The following STK31 variants were observed in gnomAD, a reference collection of about 807,000 sequenced individuals.
The protein encoded by STK31 is serine/threonine-protein kinase 31.
STK31 carries 89 observed loss-of-function variants against 129.7 expected under a neutral mutation model. The observed-to-expected ratio is 0.69, with a 90% CI of 0.58 to 0.82. The LOEUF is 0.82. Ranked by LOEUF, STK31 falls within the 40% of genes least tolerant of loss-of-function variation. STK31 has a pLI of 0.00. For synonymous variants in STK31, 448 were observed against 395.3 expected, an observed-to-expected ratio of 1.13 and a Z score of -1.58; for missense variants, 1,187 against 1,176.4, an observed-to-expected ratio of 1.01 and a Z score of -0.13.
At chr7:23,783,829 A>G (rs1791087523) in intron 17 of STK31, among the ~76,000 whole-genome samples, 166 bp downstream of exon 17, 1 of 152,120 alleles carries the variant, frequency 6.6e-6, no homozygotes, top group African/African-American at 2.4e-5. Context: ...TAATAGTTGC[A>G]TGGTATATAT....
intron 23 of STK31, among the ~76,000 whole-genome samples, chr7:23,828,374 G>A (rs1006307111): frequency 6.6e-6 from 1 of 152,220 alleles, no homozygotes; most frequent in African/African-American, 2.4e-5. Flanking sequence ...AGGCTCCTTG[G>A]GCGTAGGACC....
intron 5 of STK31, among the ~76,000 whole-genome samples, chr7:23,728,033 A>G (rs1017863147): frequency 1.6e-5 from 2 of 125,732 alleles, no homozygotes; most frequent in South Asian, 2.6e-4. Flanking sequence ...CCACTTTCTT[A>G]TGCCTGGGTT....
intron 23 of STK31, among the ~76,000 whole-genome samples, chr7:23,817,335 T>C (rs2188851): frequency 0.16 from 25,072 of 152,096 alleles, 2,087 homozygotes; most frequent in East Asian, 0.22. Flanking sequence ...GATTCAAGGA[T>C]TGTGGCATTG....
intron 18 of STK31, 111 bp downstream of exon 18, chr7:23,785,714 G>A: frequency 3.4e-5 from 46 of 1,366,440 alleles, no homozygotes; most frequent in Non-Finnish European, 4.5e-5. Flanking sequence ...AAGTGTATAA[G>A]TTGACTGGCA....
chr7:23,748,609 C>T (rs572993357), intron 8 of STK31, among the ~76,000 whole-genome samples: 3 of 152,332 alleles, frequency 2.0e-5, no homozygotes, highest in African/African-American at 7.2e-5. Flanking sequence ...CTGTCCTCAG[C>T]CTGCTCAATG....
chr7:23,808,523 A>G (rs1383765381), intron 22 of STK31, among the ~76,000 whole-genome samples: 2 of 152,040 alleles, frequency 1.3e-5, no homozygotes, highest in South Asian at 2.1e-4. Flanking sequence ...GCTGACTCGT[A>G]CTACTTCACA....
At chr7:23,800,009 A>G (rs1439117761) in intron 22 of STK31, among the ~76,000 whole-genome samples, 3 of 152,240 alleles carry the variant, frequency 2.0e-5, no homozygotes, top group Non-Finnish European at 4.4e-5. Flanking sequence ...GTCATTAGAG[A>G]AATGTAAATC....
intron 4 of STK31, among the ~76,000 whole-genome samples, chr7:23,718,172 AC>A (rs1786464391): frequency 6.6e-6 from 1 of 152,212 alleles, no homozygotes; most frequent in Admixed American, 6.5e-5. Context: ...AGCCAAAAAA[AC>A]AAAAGTGAAG....
At chr7:23,719,869 T>C (rs1786584348) in intron 4 of STK31, among the ~76,000 whole-genome samples, 2 of 152,284 alleles carry the variant, frequency 1.3e-5, no homozygotes, top group African/African-American at 4.8e-5. Flanking sequence ...TATACATTGA[T>C]TGGGCTTCCT....
At chr7:23,754,561 G>A (rs1415421788) in intron 10 of STK31, 87 bp downstream of exon 10, 1 of 1,416,250 alleles carries the variant, frequency 7.1e-7, no homozygotes, top group Non-Finnish European at 9.6e-7. Flanking sequence ...AAAATAACAG[G>A]ATACATGTGC....
chr7:23,736,590 G>C (rs1377086926), intron 7 of STK31, among the ~76,000 whole-genome samples: 1 of 148,012 alleles, frequency 6.8e-6, no homozygotes, highest in Non-Finnish European at 1.5e-5. Flanking sequence ...ATCACGGGGG[G>C]GGGATCACAG....
chr7:23,761,451 C>T (rs538562279), intron 10 of STK31, among the ~76,000 whole-genome samples: 161 of 148,682 alleles, frequency 1.1e-3, no homozygotes, highest in African/African-American at 3.8e-3. Flanking sequence ...GACGGAGTCT[C>T]GCTCTGTCGC....
In STK31 at chr7:23,742,269, G is replaced by A. The variant is rs187204354; in HGVS notation, c.1017+5191G>A. 6.0e-3 allele frequency among the ~76,000 whole-genome samples: 920 copies of A among 152,310 alleles called. 21 individuals carry two copies. Among genetic ancestry groups the A allele is most frequent in the Non-Finnish European group, 2.7e-3 (185 of 68,030 alleles). ...AAGCAGCATGAGCAAGAAGGTGTAT[G>A]GAGTATGATCTACTTATGTCTCAGT... On this transcript the variant is annotated intron_variant, in intron 8 of 23. Transcript: ENST00000355870.
chr7:23,739,832 T>C (rs1491002558), intron 8 of STK31, among the ~76,000 whole-genome samples: 1 of 152,206 alleles, frequency 6.6e-6, no homozygotes, highest in East Asian at 1.9e-4. Flanking sequence ...CATTGATCTT[T>C]ATATCTGTTT....
At position 23,768,992 on chromosome 7, in the gene STK31, C is replaced by T. The variant is rs1161386731; in HGVS notation, c.1417-3C>T. ...TAATAAACAGAAGTATATCTCTCTG[C>T]AGGATTTGTCAGTCTCTTTAGAAGC... On this transcript the variant is annotated splice_region_variant and splice_polypyrimidine_tract_variant and intron_variant, in intron 11 of 23. Transcript: ENST00000355870. The T allele has an allele frequency of 2.5e-6, 4 of 1,583,666 alleles. No individual in the cohort carries two copies. Among genetic ancestry groups the T allele is most frequent in the Non-Finnish European group, 3.4e-6 (4 of 1,168,154 alleles).
At chr7:23,744,883 G>A (rs1286813702) in intron 8 of STK31, among the ~76,000 whole-genome samples, 1 of 152,198 alleles carries the variant, frequency 6.6e-6, no homozygotes, top group African/African-American at 2.4e-5. Flanking sequence ...GCACATGCTG[G>A]CACTACTGTT....
chr7:23,759,474 T>C (rs972036301), intron 10 of STK31, among the ~76,000 whole-genome samples: 3 of 152,212 alleles, frequency 2.0e-5, no homozygotes, highest in African/African-American at 4.8e-5. Context: ...GGAAATGTTA[T>C]CTTTCTAGAA....
upstream of STK31, chr7:23,710,135 C>A (rs1785831042): frequency 7.3e-7 from 1 of 1,373,148 alleles, no homozygotes; most frequent in South Asian, 1.3e-5. Flanking sequence ...TCTTCCTAGG[C>A]GGCAGGCCGT....
chr7:23,771,021 A>T lies in STK31; in HGVS notation c.1730A>T (p.Asp577Val). 1 of 1,611,246 alleles carries T rather than the reference A, an allele frequency of 6.2e-7. No homozygotes were observed. Among genetic ancestry groups the T allele is most frequent in the Non-Finnish European group, 8.5e-7 (1 of 1,178,804 alleles). ...TTCATTTAGGATCAAGGTGATGCAG[A>T]CAAGGAGATAATTTCAAATACATAT... is the stretch of plus-strand genomic sequence containing the variant. ...EIALVDQGDA[D>V]KEIISNTYSQ... Residue 577 changes from aspartate (D) to valine (V), a missense_variant, in exon 14 of 24, where the codon GAC (aspartate) becomes GTC (valine). Asp to Val is a radical substitution (Grantham distance 152). Transcript: ENST00000355870.
Sources: gnomAD v4.1 joint callset for allele counts (sites outside exome capture counted in the v4.1 genomes callset) on GRCh38, gnomAD v4.1.1 for gene constraint, MANE v1.5 for transcripts, NCBI Gene and HGNC (gene_info 2026-07-23, HGNC 2026-07-21) for gene names.